The following LPP variants were observed in gnomAD, a reference collection of about 807,000 sequenced individuals.
The protein encoded by LPP is lipoma-preferred partner.
In LPP, 38 loss-of-function variants were observed where a neutral mutation model predicts 60.4. That is an observed-to-expected ratio of 0.63 (90% CI 0.49 to 0.83). LPP has a LOEUF of 0.83. Ranked by LOEUF, LPP falls within the 40% of genes least tolerant of loss-of-function variation. The probability of loss-of-function intolerance (pLI) is 0.00; values close to 1 mark genes in which losing one functional copy is unlikely to be tolerated. For missense variants in LPP, 902 were observed against 783.6 expected (o/e 1.15, Z -1.80); for synonymous variants, 328 against 290.8 (o/e 1.13, Z -1.30).
At chr3:188,868,758 T>C (rs1767322215) in intron 10 of LPP, among the ~76,000 whole-genome samples, 1 of 152,226 alleles carries the variant, frequency 6.6e-6, no homozygotes, top group Admixed American at 6.5e-5. Flanking sequence ...TGTGGTCCTT[T>C]TGAATGGGTC....
At chr3:188,388,985 A>C (rs1260835625) in intron 3 of LPP, among the ~76,000 whole-genome samples, 1 of 152,202 alleles carries the variant, frequency 6.6e-6, no homozygotes, top group Non-Finnish European at 1.5e-5. Context: ...AATATTGTGA[A>C]TGTTAATTTC....
chr3:188,834,324 G>T (rs1011023234), intron 9 of LPP, among the ~76,000 whole-genome samples: 34 of 34,068 alleles, frequency 1.0e-3, no homozygotes, highest in East Asian at 7.6e-3. Flanking sequence ...CTTTTTGGGT[G>T]TTTTTTTTTT....
At chr3:188,725,175 G>A (rs749178996) in intron 8 of LPP, 2 of 152,172 alleles carry the variant, frequency 1.3e-5, no homozygotes, top group African/African-American at 2.4e-5. Flanking sequence ...AAGTTTCGTT[G>A]TGCCTCTAGA....
intron 8 of LPP, among the ~76,000 whole-genome samples, chr3:188,731,660 C>T (rs1204452196): frequency 6.6e-6 from 1 of 151,928 alleles, no homozygotes; most frequent in Non-Finnish European, 1.5e-5. Context: ...GTAGCTGGGA[C>T]TACAGGCGTG....
intron 2 of LPP, among the ~76,000 whole-genome samples, chr3:188,252,278 G>A (rs192739577): frequency 1.4e-4 from 19 of 136,702 alleles, no homozygotes; most frequent in Admixed American, 9.8e-4. Flanking sequence ...CTCTGATTTC[G>A]TAAATTTTTT....
In LPP at chr3:188,613,021, A is replaced by G. The variant is rs951594892; in HGVS notation, c.1113+3177A>G. On this transcript the variant is annotated intron_variant, in intron 7 of 11. Transcript: ENST00000617246. ...TGTTCCCATAATGTGCTAAGCAGTG[A>G]ATTTGCATGCTACAGTGGGCCATAC... 2.6e-5 allele frequency among the ~76,000 whole-genome samples: 4 copies of G among 152,150 alleles called. No homozygotes were observed. The East Asian group carries it at 7.7e-4, about 29-fold the overall frequency.
chr3:188,458,042 C>T (rs569247200), intron 4 of LPP, among the ~76,000 whole-genome samples: 1 of 152,268 alleles, frequency 6.6e-6, no homozygotes, highest in Non-Finnish European at 1.5e-5. Context: ...ATTTTTAGTT[C>T]ATTTCCTTAG....
At chr3:188,269,645 A>ATATATGTG (rs748506984) in intron 2 of LPP, among the ~76,000 whole-genome samples, 3 of 136,454 alleles carry the variant, frequency 2.2e-5, no homozygotes, top group Non-Finnish European at 3.1e-5. Context: ...CTTTTTTTTT[A>ATATATGTG]TGTGTGTGTG....
chr3:188,775,155 C>A (rs574787611), intron 9 of LPP, among the ~76,000 whole-genome samples: 4 of 151,348 alleles, frequency 2.6e-5, no homozygotes, highest in African/African-American at 9.7e-5. Context: ...CAGATTCAAG[C>A]GATTCTCCTG....
chr3:188,243,701 C>A (rs1031084440), intron 2 of LPP, among the ~76,000 whole-genome samples: 1 of 152,038 alleles, frequency 6.6e-6, no homozygotes, highest in Non-Finnish European at 1.5e-5. Flanking sequence ...AGGTGCTAGA[C>A]CCTTCTGAGT....
chr3:188,509,375 A>G (rs1295879501), intron 5 of LPP, among the ~76,000 whole-genome samples: 1 of 152,190 alleles, frequency 6.6e-6, no homozygotes, highest in Non-Finnish European at 1.5e-5. Context: ...CTAAGAGTAT[A>G]CGACTTGGTC....
chr3:188,362,085 C>T (rs1034282536), intron 3 of LPP, among the ~76,000 whole-genome samples: 6 of 152,016 alleles, frequency 3.9e-5, no homozygotes, highest in African/African-American at 7.2e-5. Context: ...GCTGTGGGCC[C>T]GAAGGAGGGT....
At chr3:188,219,367 C>T (rs984487762) in intron 1 of LPP, among the ~76,000 whole-genome samples, 5 of 151,994 alleles carry the variant, frequency 3.3e-5, no homozygotes, top group Admixed American at 6.6e-5. Flanking sequence ...AGCCGGGGCC[C>T]GGAATTTAAT....
At chr3:188,382,734 G>T (rs76802246) in intron 3 of LPP, among the ~76,000 whole-genome samples, 12,643 of 152,038 alleles carry the variant, frequency 0.083, 714 homozygotes, top group African/African-American at 0.16. Flanking sequence ...TCACTTTTTT[G>T]TTGTTGTTGT....
chr3:188,548,600 G>A (rs1174129272), intron 6 of LPP, among the ~76,000 whole-genome samples: 1 of 152,112 alleles, frequency 6.6e-6, no homozygotes, highest in East Asian at 1.9e-4. Flanking sequence ...CTTCTTTTGG[G>A]GGGATATTTT....
At chr3:188,865,199 G>A (rs1766280486) in intron 9 of LPP, among the ~76,000 whole-genome samples, 2 of 152,190 alleles carry the variant, frequency 1.3e-5, no homozygotes, top group Admixed American at 6.5e-5. Context: ...TGGAATTAAA[G>A]GGCAGGATGG....
intron 2 of LPP, among the ~76,000 whole-genome samples, chr3:188,331,374 C>T (rs1760030655): frequency 6.6e-6 from 1 of 152,182 alleles, no homozygotes; most frequent in African/African-American, 2.4e-5. Flanking sequence ...GCTATGTAGC[C>T]TCCACTTGAA....
intron 1 of LPP, among the ~76,000 whole-genome samples, chr3:188,174,560 C>G (rs981295036): frequency 6.6e-6 from 1 of 152,172 alleles, no homozygotes; most frequent in South Asian, 2.1e-4. Flanking sequence ...AGGGACATCT[C>G]TAGCTGGGAG....
Position 188,432,802 on chromosome 3 carries a change from A to C in LPP, c.193+26489A>C, listed in dbSNP as rs191680991. Among the ~76,000 whole-genome samples, 12 of 152,272 alleles carry C rather than the reference A, an allele frequency of 7.9e-5. No individual in the cohort carries two copies. The East Asian group carries it at 2.3e-3, about 29-fold the overall frequency. On this transcript the variant is annotated intron_variant, in intron 4 of 11. Coordinates refer to ENST00000617246, the MANE Select transcript of LPP (RefSeq NM_001375462.1). ...ATTAGAACCTTTAAAAGGAGCTTGT[A>C]ACCTTTTCTTTTTACTTTTCCTGAA...
Sources: allele counts gnomAD v4.1 joint callset (sites outside exome capture counted in the v4.1 genomes callset), GRCh38; gene constraint gnomAD v4.1.1; transcripts MANE v1.5; gene names NCBI Gene and HGNC (gene_info 2026-07-23, HGNC 2026-07-21).